KATNB1: variants seen among roughly 807,000 people sequenced by gnomAD.
KATNB1 encodes the protein katanin p80 WD40 repeat-containing subunit B1.
KATNB1 carries 38 observed loss-of-function variants against 82.3 expected under a neutral mutation model. That is an observed-to-expected ratio of 0.46 (90% CI 0.36 to 0.61). KATNB1 has a LOEUF of 0.61. Ranked by LOEUF, KATNB1 falls within the 20% of genes least tolerant of loss-of-function variation. The pLI, the probability that KATNB1 is intolerant of heterozygous loss-of-function variation, is 0.00. For synonymous variants in KATNB1, 361 were observed against 368.7 expected (o/e 0.98, Z 0.24); for missense variants, 749 against 915.7 (o/e 0.82, Z 2.35).
At position 57,755,848 on chromosome 16, in the gene KATNB1, T is replaced by A. The variant is rs782245581; in HGVS notation, c.1574T>A (p.Val525Glu). Residue 525 changes from valine (V) to glutamate (E), a missense_variant, in exon 17 of 20, where the codon GTG becomes GAG. Physicochemically the swap from Val to Glu is moderately radical, Grantham distance 121. Coordinates refer to ENST00000379661, the MANE Select transcript of KATNB1 (RefSeq NM_005886.3). ...GGTGCTCTGTTTGCACAGACGTCGG[T>A]GGACTCCGCTGTGGCCATCAACGAC... ...VWTMGDIKTS[V>E]DSAVAINDLS... is the part of the protein sequence containing the mutation. 3 of 1,588,058 alleles carry A rather than the reference T, an allele frequency of 1.9e-6. No individual in the cohort carries two copies. The South Asian group carries it at 3.4e-5, about 18-fold the overall frequency.
chr16:57,738,125 C>T (rs1473167108), intron 2 of KATNB1, among the ~76,000 whole-genome samples: 1 of 152,190 alleles, frequency 6.6e-6, no homozygotes, highest in African/African-American at 2.4e-5. Context: ...GAGAATTCCC[C>T]TACACATTGG....
chr16:57,743,599 G>A (rs8051488), intron 3 of KATNB1, among the ~76,000 whole-genome samples: 42,088 of 151,912 alleles, frequency 0.28, 6,866 homozygotes, highest in African/African-American at 0.46. Context: ...CTGGGGCCTG[G>A]CCTGCAGGCT....
In KATNB1 at chr16:57,754,955, A is replaced by G; in HGVS notation, c.1254A>G (p.Ala418=). The change falls in exon 14 of 20, where the codon GCA becomes GCG. Residue 418 remains alanine (A), a synonymous_variant. Transcript: ENST00000379661. Reference sequence around the variant, plus strand: ...ACGCAGCCACAGCAAAGGAGGCAGCAAAGCCCAGCCCTGCCATGGATGTGC... The same window carrying G: ...ACGCAGCCACAGCAAAGGAGGCAGCGAAGCCCAGCCCTGCCATGGATGTGC... ...EDDAATAKEA[A]KPSPAMDVQF... 1 of 1,614,094 alleles carries G rather than the reference A, an allele frequency of 6.2e-7. No individual in the cohort carries two copies. Among genetic ancestry groups the G allele is most frequent in the Non-Finnish European group, 8.5e-7 (1 of 1,180,036 alleles).
chr16:57,752,918 A>G lies in KATNB1; in HGVS notation c.845A>G (p.Asn282Ser), dbSNP rs782721778. 10 of 1,604,060 alleles carry G rather than the reference A, an allele frequency of 6.2e-6. 1 individual carries two copies. The South Asian group carries it at 6.6e-5, about 11-fold the overall frequency. Residue 282 changes from asparagine to serine, a missense_variant, in exon 10 of 20, where the codon AAT becomes AGT. Physicochemically the swap from Asn to Ser is conservative, Grantham distance 46 (BLOSUM62 1). Around this residue, in one of 3 missense-constraint regions of KATNB1, gnomAD observed 407 missense variants for 434.7 expected, o/e 0.94. Transcript: ENST00000379661. ...WGKVADLAIC[N>S]DQLIGVAFSQ... ...AAGGTGGCCGACCTGGCCATCTGCA[A>G]TGACCAGTTGGTGAGAGAGCCATGG...
rs1555586430 is a variant in KATNB1 at position 57,756,350 on chromosome 16, C to A, written c.1719-6C>A. The A allele has an allele frequency of 1.9e-6, 3 of 1,612,296 alleles. No homozygotes were observed. The highest frequency in any genetic ancestry group is 2.2e-5 in the South Asian group (2 of 90,888). On this transcript the variant is annotated splice_polypyrimidine_tract_variant and splice_region_variant and intron_variant, in intron 18 of 19. Coordinates refer to ENST00000379661, the MANE Select transcript of KATNB1 (RefSeq NM_005886.3). ...CATCTGTGACTTCATCCATCTCCCC[C>A]TAAAGCTACGTCCAGACGGGCTGCA...
In KATNB1 at chr16:57,737,136, ACT is replaced by A; in HGVS notation, c.-103_-102del. 2.2e-6 allele frequency: 3 copies of A among 1,376,296 alleles called. No homozygotes were observed. Among genetic ancestry groups the A allele is most frequent in the Non-Finnish European group, 3.1e-6 (3 of 982,788 alleles). The allele number at this position is 1,376,296 out of a possible 1,614,324, so 85.3% of individuals were successfully genotyped here. A position where few individuals can be genotyped will look rare whatever the true frequency, so the allele number is the denominator to read the frequency against. ...ATTCTGTCTGCCTGGATGTGTGGGA[ACT>A]CTCTGCCAACTTGATTGGTGGATCT... On this transcript the variant is annotated 5_prime_UTR_variant, in exon 2 of 20. The change creates a premature stop within an existing upstream ORF in the 5' untranslated region. Coordinates refer to ENST00000379661, the MANE Select transcript of KATNB1 (RefSeq NM_005886.3).
At chr16:57,741,587 G>A in intron 2 of KATNB1, 100 bp from the exon 3 acceptor site, 1 of 1,297,606 alleles carries the variant, frequency 7.7e-7, no homozygotes, top group Non-Finnish European at 1.1e-6. Flanking sequence ...CCTTCCACTG[G>A]GCTTCAGGTT....
At chr16:57,737,384 G>GAAACA in intron 2 of KATNB1, 101 bp downstream of exon 2, 1 of 1,326,398 alleles carries the variant, frequency 7.5e-7, no homozygotes, top group Non-Finnish European at 1.1e-6. Flanking sequence ...CTTGGCACAG[G>GAAACA]AGGAGACTCC....
intron 2 of KATNB1, among the ~76,000 whole-genome samples, chr16:57,739,163 G>A (rs1209793164): frequency 6.6e-6 from 1 of 152,200 alleles, no homozygotes; most frequent in Non-Finnish European, 1.5e-5. Context: ...TTATCATAAA[G>A]GCAAGGCCAA....
intron 13 of KATNB1, among the ~76,000 whole-genome samples, chr16:57,754,316 T>C (rs1453838085): frequency 2.6e-5 from 4 of 152,236 alleles, no homozygotes; most frequent in Admixed American, 1.3e-4. Context: ...TGGGGTCTGC[T>C]GTAGACGGGA....
At position 57,752,822 on chromosome 16, in the gene KATNB1, G is replaced by A. The variant is rs782545219; in HGVS notation, c.749G>A (p.Cys250Tyr). 1 of 1,611,096 alleles carries A rather than the reference G, an allele frequency of 6.2e-7. No individual in the cohort carries two copies. The highest frequency in any genetic ancestry group is 1.1e-5 in the South Asian group (1 of 90,940). The part of the protein sequence containing the change: ...NPDGCCLYSG[C>Y]QDSLRVYGWE... ...GACGGCTGCTGCCTGTACAGCGGCT[G>A]CCAGGACTCACTGCGTGTCTACGGC... The change falls in exon 10 of 20, where the codon TGC (cysteine) becomes TAC (tyrosine). Residue 250 changes from cysteine (C) to tyrosine (Y), a missense_variant. This residue lies in a region of KATNB1 where 247 missense variants were observed against 349.4 expected (regional missense o/e 0.71). Coordinates refer to ENST00000379661, the MANE Select transcript of KATNB1 (RefSeq NM_005886.3).
chr16:57,749,273 C>CT (rs2049206294), intron 4 of KATNB1, among the ~76,000 whole-genome samples: 1 of 152,212 alleles, frequency 6.6e-6, no homozygotes, highest in Non-Finnish European at 1.5e-5. Context: ...GTGCTAAGCA[C>CT]TTTATGTATG....
chr16:57,752,772 GC>G lies in KATNB1; in HGVS notation c.705-3del. The G allele has an allele frequency of 6.2e-7, 1 of 1,608,702 alleles. No individual in the cohort carries two copies. Among genetic ancestry groups the G allele is most frequent in the Non-Finnish European group, 8.5e-7 (1 of 1,178,926 alleles). ...AGGACCCACGGCCATCTCTCGCCTGGCCCAGGAGCGTCCTCTTCAACCCAGA... is the reference window on the plus strand; with the variant it reads ...AGGACCCACGGCCATCTCTCGCCTGGCCAGGAGCGTCCTCTTCAACCCAGA... On this transcript the variant is annotated splice_region_variant and splice_polypyrimidine_tract_variant and intron_variant, in intron 9 of 19. Transcript: ENST00000379661.
At position 57,751,218 on chromosome 16, in the gene KATNB1, G is replaced by T; in HGVS notation, c.391-43G>T. On this transcript the variant is annotated intron_variant, in intron 5 of 19. Transcript: ENST00000379661. This position sits in a 1 kb window ranked among gnomAD's most constrained non-coding sequence, Gnocchi z 6.3. The stretch of plus-strand genomic sequence containing the variant: ...CACACCTTCCTCCAGTCGTGGCTCT[G>T]ACCTCTCCTGACTCTGCCCCTCTGC... 6.3e-7 allele frequency: 1 copy of T among 1,598,948 alleles called. No homozygotes were observed. The highest frequency in any genetic ancestry group is 1.1e-5 in the South Asian group (1 of 90,708).
In KATNB1 at chr16:57,741,831, G is replaced by A; in HGVS notation, c.171+14G>A. ...AACTGCATCATGGTGAGCCCCGACA[G>A]CTGGCGGGGGGTCAGGACAAGGGCC... On this transcript the variant is annotated intron_variant, in intron 3 of 19. Coordinates refer to ENST00000379661, the MANE Select transcript of KATNB1 (RefSeq NM_005886.3). 2.5e-6 allele frequency: 4 copies of A among 1,610,528 alleles called. No homozygotes were observed. Among genetic ancestry groups the A allele is most frequent in the Non-Finnish European group, 3.4e-6 (4 of 1,178,768 alleles).
chr16:57,737,954 A>G (rs1199454814), intron 2 of KATNB1, among the ~76,000 whole-genome samples: 2 of 152,244 alleles, frequency 1.3e-5, no homozygotes, highest in Non-Finnish European at 2.9e-5. Context: ...ATATAATCAA[A>G]TAGGCCTCTA....
intron 12 of KATNB1, among the ~76,000 whole-genome samples, 168 bp downstream of exon 12, chr16:57,753,687 T>C (rs1265553207): frequency 6.6e-6 from 1 of 151,888 alleles, no homozygotes; most frequent in Admixed American, 6.5e-5. Flanking sequence ...CAGGCTGTGC[T>C]CTGATGGAAC....
chr16:57,754,974 G>C lies in KATNB1; in HGVS notation c.1273G>C (p.Asp425His), dbSNP rs781988893. ...KEAAKPSPAM[D>H]VQFPVPNLEV... ...GGCAGCAAAGCCCAGCCCTGCCATG[G>C]ATGTGCAGTTCCCGGTGCCAAATGT... The change falls in exon 14 of 20, where the codon GAT becomes CAT. Residue 425 changes from aspartate to histidine, a missense_variant. Physicochemically the swap from Asp to His is moderately conservative, Grantham distance 81 (BLOSUM62 -1). Around this residue, in one of 3 missense-constraint regions of KATNB1, gnomAD observed 407 missense variants for 434.7 expected, o/e 0.94. Coordinates refer to ENST00000379661, the MANE Select transcript of KATNB1 (RefSeq NM_005886.3). 1.2e-6 allele frequency: 2 copies of C among 1,614,108 alleles called. No homozygotes were observed. The highest frequency in any genetic ancestry group is 1.7e-5 in the Admixed American group (1 of 60,028).
At chr16:57,755,559 G>T (rs1362900791) in intron 16 of KATNB1, 65 bp downstream of exon 16, 35 of 1,574,080 alleles carry the variant, frequency 2.2e-5, no homozygotes, top group African/African-American at 9.4e-5. Flanking sequence ...GCCTGCCCGG[G>T]CTTGGGGCAG....
Sources: allele counts gnomAD v4.1 joint callset (sites outside exome capture counted in the v4.1 genomes callset), GRCh38; gene constraint gnomAD v4.1.1; regional missense constraint gnomAD v4.1.1; non-coding constraint Gnocchi (gnomAD v3.1); transcripts MANE v1.5; gene names NCBI Gene and HGNC (gene_info 2026-07-23, HGNC 2026-07-21).